Variants in GNG7 observed in about 807,000 individuals in gnomAD.
The protein encoded by GNG7 is G protein subunit gamma 7.
A neutral mutation model predicts 4.0 loss-of-function variants in GNG7; 1 was observed. The ratio of observed to expected loss-of-function variants is 0.25; its 90% CI spans 0.09 to 1.18. GNG7 has a LOEUF of 1.18. Ranked by LOEUF, GNG7 falls within the 50% of genes most tolerant of loss-of-function variation. The pLI is 0.50. For missense variants in GNG7, 86 were observed against 91.9 expected (o/e 0.94, Z 0.26); for synonymous variants, 34 against 36.9 (o/e 0.92, Z 0.29).
chr19:2,661,270 AAAAGAAAGAAAGAAAG>A (rs796432059), intron 1 of GNG7, among the ~76,000 whole-genome samples: 3 of 70,926 alleles, frequency 4.2e-5, no homozygotes, highest in Non-Finnish European at 7.8e-5. Flanking sequence ...AGAAAGAAAG[AAAAGAAAGAAAGAAAG>A]AAAGAAAGAA....
intron 3 of GNG7, among the ~76,000 whole-genome samples, chr19:2,524,323 A>G (rs537219289): frequency 1.8e-4 from 27 of 152,278 alleles, no homozygotes; most frequent in African/African-American, 6.0e-4. Flanking sequence ...GCCAGAGAGG[A>G]CTGCGCTGTG....
intron 1 of GNG7, among the ~76,000 whole-genome samples, chr19:2,666,165 G>A (rs1207927073): frequency 6.6e-6 from 1 of 150,516 alleles, no homozygotes; most frequent in African/African-American, 2.4e-5. Flanking sequence ...AATTTTTATT[G>A]TATTTATTTA....
At chr19:2,654,164 C>CTGGGGAGGA in intron 1 of GNG7, among the ~76,000 whole-genome samples, 1 of 152,066 alleles carries the variant, frequency 6.6e-6, no homozygotes, top group South Asian at 2.1e-4. Context: ...GCGGGGCCGG[C>CTGGGGAGGA]TGGGGAGGAG....
chr19:2,514,219 A>T lies in GNG7; in HGVS notation c.*803T>A, dbSNP rs984186946. 2 of 135,680 alleles carry T rather than the reference A, an allele frequency of 1.5e-5. No individual in the cohort carries two copies. Among genetic ancestry groups the T allele is most frequent in the East Asian group, 4.4e-4 (2 of 4,574 alleles). 8.4% of individuals were successfully genotyped at this position (135,680 alleles called of 1,614,324 possible). On this transcript the variant is annotated 3_prime_UTR_variant, in exon 5 of 5. Coordinates refer to ENST00000382159, the MANE Select transcript of GNG7 (RefSeq NM_052847.3). The stretch of plus-strand genomic sequence containing the variant: ...TCTCAAAAAAAGAAAAAAAAAAAAA[A>T]TCCAAAAACATGATGGGCCGGGCCG...
At chr19:2,567,891 C>T (rs34867917) in intron 2 of GNG7, among the ~76,000 whole-genome samples, 40,629 of 152,062 alleles carry the variant, frequency 0.27, 6,477 homozygotes, top group Non-Finnish European at 0.36. Context: ...GGGCACCACG[C>T]GCTCAGGCAT....
intron 1 of GNG7, among the ~76,000 whole-genome samples, chr19:2,646,943 C>T (rs890926253): frequency 1.3e-5 from 2 of 152,192 alleles, no homozygotes; most frequent in African/African-American, 2.4e-5. Context: ...CCAACGTATC[C>T]AGGTCTGCCC....
At chr19:2,682,285 G>A (rs1428264366) in intron 1 of GNG7, among the ~76,000 whole-genome samples, 1 of 152,120 alleles carries the variant, frequency 6.6e-6, no homozygotes, top group Non-Finnish European at 1.5e-5. Flanking sequence ...AGTTTTACCT[G>A]GAAAAATGTG....
At chr19:2,566,152 C>T (rs751186295) in intron 2 of GNG7, among the ~76,000 whole-genome samples, 10 of 151,576 alleles carry the variant, frequency 6.6e-5, no homozygotes, top group African/African-American at 1.9e-4. Context: ...AGCCAGACTC[C>T]GTCTCATAAA....
In GNG7 at chr19:2,614,283, G is replaced by A. The variant is rs541716949; in HGVS notation, c.-78+31941C>T. Among the ~76,000 whole-genome samples the A allele has an allele frequency of 5.3e-5, 8 of 152,334 alleles. No homozygotes were observed. The South Asian group carries it at 1.4e-3, about 28-fold the overall frequency. The stretch of plus-strand genomic sequence containing the variant: ...CCTGCCCTCTGTGTACCCGCAGGGG[G>A]GCCCTGCACGTCGGGTCTCAGGCAC... On this transcript the variant is annotated intron_variant, in intron 2 of 4. Coordinates refer to ENST00000382159, the MANE Select transcript of GNG7 (RefSeq NM_052847.3). The surrounding 1 kb of genome is among the most constrained non-coding windows in gnomAD (Gnocchi z 6.0).
At chr19:2,590,097 A>C (rs1980794045) in intron 2 of GNG7, among the ~76,000 whole-genome samples, 1 of 152,208 alleles carries the variant, frequency 6.6e-6, no homozygotes, top group Admixed American at 6.5e-5. Context: ...GAGGTGTGTG[A>C]GTCACTGTGC....
intron 2 of GNG7, among the ~76,000 whole-genome samples, chr19:2,590,274 T>C (rs73524298): frequency 0.024 from 3,720 of 152,154 alleles, 131 homozygotes; most frequent in African/African-American, 0.084. Flanking sequence ...AGGCAAAAAA[T>C]AGAACAGGTA....
chr19:2,640,321 CT>C (rs1365704372), intron 2 of GNG7, among the ~76,000 whole-genome samples: 1 of 151,948 alleles, frequency 6.6e-6, no homozygotes, highest in Non-Finnish European at 1.5e-5. Flanking sequence ...AAAAGCCCAG[CT>C]AGGGGGACCA....
intron 2 of GNG7, among the ~76,000 whole-genome samples, chr19:2,619,828 G>A (rs1333007304): frequency 2.0e-5 from 3 of 151,988 alleles, no homozygotes; most frequent in South Asian, 2.1e-4. Flanking sequence ...AGGATGTTCC[G>A]GAATTAGATA....
At chr19:2,692,431 C>G (rs1321951004) in intron 1 of GNG7, among the ~76,000 whole-genome samples, 1 of 151,700 alleles carries the variant, frequency 6.6e-6, no homozygotes, top group Non-Finnish European at 1.5e-5. Flanking sequence ...GTCAGGAGAT[C>G]GAGACCATCC....
intron 1 of GNG7, among the ~76,000 whole-genome samples, chr19:2,658,967 T>C (rs959346553): frequency 6.9e-6 from 1 of 145,730 alleles, no homozygotes; most frequent in African/African-American, 2.6e-5. Context: ...GAACCAAGCG[T>C]TCTGATTTTT....
chr19:2,519,149 T>TC (rs926292553), intron 4 of GNG7, among the ~76,000 whole-genome samples: 22 of 136,072 alleles, frequency 1.6e-4, no homozygotes, highest in African/African-American at 4.9e-4. Context: ...CTTGTTTCTT[T>TC]TTTTTTTTTT....
chr19:2,575,866 GACACAGGC>G (rs1177893489), intron 2 of GNG7, among the ~76,000 whole-genome samples: 1 of 112,498 alleles, frequency 8.9e-6, no homozygotes, highest in African/African-American at 3.3e-5. Flanking sequence ...GGCACACGCA[GACACAGGC>G]ACACGCAGGC....
Position 2,597,839 on chromosome 19 carries a change from T to C in GNG7, c.-77-42651A>G, listed in dbSNP as rs1476928178. The stretch of plus-strand genomic sequence containing the variant: ...TGAACCCAGGAGGCAGAGCTTGCAG[T>C]GAGCCGAGATTGCGCCACTGCACTC... On this transcript the variant is annotated intron_variant, in intron 2 of 4. Coordinates refer to ENST00000382159, the MANE Select transcript of GNG7 (RefSeq NM_052847.3). Among the ~76,000 whole-genome samples, 16 of 145,564 alleles carry C rather than the reference T, an allele frequency of 1.1e-4. No homozygotes were observed. In the South Asian group the frequency reaches 1.5e-3, roughly 14 times the overall value.
chr19:2,678,839 A>G (rs1983658958), intron 1 of GNG7, among the ~76,000 whole-genome samples: 2 of 152,054 alleles, frequency 1.3e-5, no homozygotes, highest in Admixed American at 6.6e-5. Context: ...TGCACCAGCC[A>G]ACCCATCCTC....
Sources: gnomAD v4.1 joint callset for allele counts (sites outside exome capture counted in the v4.1 genomes callset) on GRCh38, gnomAD v4.1.1 for gene constraint, Gnocchi (gnomAD v3.1) non-coding constraint, MANE v1.5 for transcripts, NCBI Gene and HGNC (gene_info 2026-07-23, HGNC 2026-07-21) for gene names.